Variants in CPEB3 observed in about 807,000 individuals in gnomAD.
CPEB3 encodes cytoplasmic polyadenylation element binding protein 3.
Under a neutral mutation model 67.2 loss-of-function variants are expected in CPEB3, and 20 were observed. The ratio of observed to expected loss-of-function variants is 0.30; its 90% confidence interval spans 0.21 to 0.43. The LOEUF (loss-of-function observed/expected upper bound fraction) is 0.43. Among genes scored for constraint, CPEB3 ranks in the 20% least tolerant of loss-of-function variants. CPEB3 has a pLI of 1.00. For missense variants in CPEB3, 746 were observed against 968.6 expected (o/e 0.77, Z 3.05); for synonymous variants, 376 against 393.1 (o/e 0.96, Z 0.51).
intron 1 of CPEB3, among the ~76,000 whole-genome samples, chr10:92,258,628 A>C (rs200777163): frequency 1.2e-5 from 1 of 84,204 alleles, no homozygotes; most frequent in South Asian, 4.9e-4. Context: ...TTTTTTGAAT[A>C]TATATATATA....
At chr10:92,103,054 G>T (rs1844269595) in intron 7 of CPEB3, among the ~76,000 whole-genome samples, 1 of 152,184 alleles carries the variant, frequency 6.6e-6, no homozygotes, top group South Asian at 2.1e-4. Context: ...GCTGACACTG[G>T]TGTCACAAAA....
At chr10:92,081,163 GT>G (rs2133212719) in intron 9 of CPEB3, among the ~76,000 whole-genome samples, 156 bp downstream of exon 9, 1 of 152,284 alleles carries the variant, frequency 6.6e-6, no homozygotes, top group South Asian at 2.1e-4. Context: ...AATATCAACA[GT>G]GCTCTCTTTT....
At chr10:92,133,293 G>C (rs1404541814) in intron 6 of CPEB3, among the ~76,000 whole-genome samples, 5 of 152,106 alleles carry the variant, frequency 3.3e-5, no homozygotes, top group African/African-American at 1.2e-4. Context: ...AAGAAGAAAA[G>C]AGAGAAGAAT....
chr10:92,185,627 G>A (rs1406920713), intron 3 of CPEB3, among the ~76,000 whole-genome samples: 1 of 152,112 alleles, frequency 6.6e-6, no homozygotes, highest in African/African-American at 2.4e-5. Context: ...TTATGAGATA[G>A]GGAACAACTG....
In CPEB3 at chr10:92,258,940, G is replaced by A. The variant is rs964200184; in HGVS notation, c.-11-18579C>T. Among the ~76,000 whole-genome samples, 7 of 150,636 alleles carry A rather than the reference G, an allele frequency of 4.6e-5. No individual in the cohort carries two copies. In the East Asian group the frequency reaches 6.0e-4, roughly 13 times the overall value. On this transcript the variant is annotated intron_variant, in intron 1 of 9. Transcript: ENST00000265997. ...CCCAAAGTGCTGGGATTACAGGCAC[G>A]AGCCACCACGCCTGGCCCTTTCTTT... is the stretch of plus-strand genomic sequence containing the variant.
At chr10:92,101,914 TAAAC>T (rs754507436) in intron 7 of CPEB3, among the ~76,000 whole-genome samples, 9 of 152,160 alleles carry the variant, frequency 5.9e-5, no homozygotes, top group African/African-American at 1.2e-4. Context: ...TCTCAATAAA[TAAAC>T]AAACAAACTA....
chr10:92,217,327 T>A (rs1412236310), intron 2 of CPEB3, among the ~76,000 whole-genome samples: 1 of 147,706 alleles, frequency 6.8e-6, no homozygotes, highest in African/African-American at 2.5e-5. Flanking sequence ...ACTAATGATA[T>A]AAACCACTAT....
intron 6 of CPEB3, among the ~76,000 whole-genome samples, chr10:92,129,414 G>A (rs1845742350): frequency 6.6e-6 from 1 of 152,082 alleles, no homozygotes; most frequent in Non-Finnish European, 1.5e-5. Context: ...TAATACCTGG[G>A]TGACCAAATA....
chr10:92,136,426 T>C (rs1846098880), intron 6 of CPEB3, among the ~76,000 whole-genome samples: 1 of 152,102 alleles, frequency 6.6e-6, no homozygotes, highest in Non-Finnish European at 1.5e-5. Flanking sequence ...AGAAAATAGT[T>C]ACAAACTGTC....
chr10:92,186,484 GAGTGC>G (rs1848697714), intron 3 of CPEB3, among the ~76,000 whole-genome samples: 1 of 151,174 alleles, frequency 6.6e-6, no homozygotes, highest in Non-Finnish European at 1.5e-5. Flanking sequence ...ACCCAGGCTG[GAGTGC>G]AGTGGCACAA....
rs1293283096 is a variant in CPEB3 at position 92,203,416 on chromosome 10, GTATA to G, written c.1006-10784_1006-10781del. ...TATATATACGTATATATATGTATATGTATATATATACGTATATATGTATATGTAT... is the reference window on the plus strand; with the variant it reads ...TATATATACGTATATATATGTATATGTATATACGTATATATGTATATGTAT... On this transcript the variant is annotated intron_variant, in intron 2 of 9. Coordinates refer to ENST00000265997, the MANE Select transcript of CPEB3 (RefSeq NM_014912.5). 2.2e-4 allele frequency among the ~76,000 whole-genome samples: 31 copies of G among 141,018 alleles called. No individual in the cohort carries two copies. The East Asian group carries it at 5.3e-3, about 24-fold the overall frequency. The allele number at this position is 141,018 out of a possible 152,430, so 92.5% of individuals were successfully genotyped here.
chr10:92,109,246 T>C (rs1348715848), intron 7 of CPEB3, among the ~76,000 whole-genome samples: 1 of 151,890 alleles, frequency 6.6e-6, no homozygotes, highest in African/African-American at 2.4e-5. Flanking sequence ...TCCTACCAAA[T>C]TGGGTACAGA....
chr10:92,054,448 C>T (rs1339201787), intron 9 of CPEB3, among the ~76,000 whole-genome samples: 1 of 150,814 alleles, frequency 6.6e-6, no homozygotes. Context: ...TTTGAGACGG[C>T]GTCTCACTCT....
At chr10:92,250,048 G>T (rs1190980385) in intron 1 of CPEB3, among the ~76,000 whole-genome samples, 1 of 148,450 alleles carries the variant, frequency 6.7e-6, no homozygotes, top group East Asian at 2.0e-4. Context: ...ATGTTATATA[G>T]CTATACAATA....
intron 9 of CPEB3, among the ~76,000 whole-genome samples, chr10:92,074,996 G>C (rs1214769013): frequency 6.6e-6 from 1 of 152,124 alleles, no homozygotes; most frequent in Admixed American, 6.5e-5. Context: ...GTGAGTGCCT[G>C]CTGTGTGCCA....
At chr10:92,227,976 C>T (rs1008219739) in intron 2 of CPEB3, among the ~76,000 whole-genome samples, 4 of 152,208 alleles carry the variant, frequency 2.6e-5, no homozygotes, top group Admixed American at 6.5e-5. Context: ...CAACCTCCAC[C>T]TCCCGGATTC....
At chr10:92,116,413 A>T (rs188752791) in intron 6 of CPEB3, among the ~76,000 whole-genome samples, 3 of 152,238 alleles carry the variant, frequency 2.0e-5, no homozygotes, top group Admixed American at 1.3e-4. Flanking sequence ...CAATAAAGTG[A>T]CTGAATATCT....
chr10:92,222,386 T>C (rs1286435306), intron 2 of CPEB3, among the ~76,000 whole-genome samples: 1 of 152,102 alleles, frequency 6.6e-6, no homozygotes, highest in African/African-American at 2.4e-5. Context: ...CTTAAATATA[T>C]GCAAACCAAT....
chr10:92,118,106 G>A (rs1357212872), intron 6 of CPEB3, among the ~76,000 whole-genome samples: 2 of 152,120 alleles, frequency 1.3e-5, no homozygotes, highest in Non-Finnish European at 2.9e-5. Context: ...ATGTCCTTAT[G>A]ACAGTGACCA....
Sources: gnomAD v4.1 joint callset for allele counts (sites outside exome capture counted in the v4.1 genomes callset) on GRCh38, gnomAD v4.1.1 for gene constraint, MANE v1.5 for transcripts, NCBI Gene and HGNC (gene_info 2026-07-23, HGNC 2026-07-21) for gene names.